TLN2: variants seen among roughly 807,000 people sequenced by gnomAD.
TLN2 encodes the protein talin 2.
A neutral mutation model predicts 294.7 loss-of-function variants in TLN2; 118 were observed. That is an observed-to-expected ratio of 0.40 (90% confidence interval 0.34 to 0.47). The LOEUF (loss-of-function observed/expected upper bound fraction) is 0.47. Among genes scored for constraint, TLN2 ranks in the 20% least tolerant of loss-of-function variants. The probability of loss-of-function intolerance (pLI) is 0.84; values close to 1 mark genes in which losing one functional copy is unlikely to be tolerated. For synonymous variants in TLN2, 1,431 were observed against 1,304.5 expected, an observed-to-expected ratio of 1.10 and a Z score of -2.09; for missense variants, 3,083 against 3,282.2, an observed-to-expected ratio of 0.94 and a Z score of 1.48.
chr15:62,607,358 A>C (rs548761172), intron 2 of TLN2, among the ~76,000 whole-genome samples: 2 of 152,192 alleles, frequency 1.3e-5, no homozygotes, highest in African/African-American at 4.8e-5. Context: ...TCTTAATTAG[A>C]TTACTGATTC....
At chr15:62,723,605 G>A (rs2060274929) in intron 26 of TLN2, among the ~76,000 whole-genome samples, 1 of 143,930 alleles carries the variant, frequency 6.9e-6, no homozygotes, top group Admixed American at 7.2e-5. Context: ...GTACAGTGGT[G>A]CAGTCATGGC....
intron 58 of TLN2, among the ~76,000 whole-genome samples, chr15:62,839,494 C>T (rs1399743403): frequency 6.6e-6 from 1 of 152,198 alleles, no homozygotes. Flanking sequence ...TTTGGCCCTA[C>T]AGAGAATGCT....
At chr15:62,561,711 A>T (rs2042974214) in intron 1 of TLN2, among the ~76,000 whole-genome samples, 2 of 149,888 alleles carry the variant, frequency 1.3e-5, no homozygotes, top group African/African-American at 5.0e-5. Flanking sequence ...ACTGTGCCTG[A>T]TCGCCTGCTG....
At chr15:62,624,649 A>G (rs974554175) in intron 3 of TLN2, among the ~76,000 whole-genome samples, 3 of 152,186 alleles carry the variant, frequency 2.0e-5, no homozygotes, top group Non-Finnish European at 4.4e-5. Context: ...TTGTCTTAAC[A>G]CATTTCTCTT....
At chr15:62,673,482 C>A (rs28414420) in intron 9 of TLN2, among the ~76,000 whole-genome samples, 1 of 150,338 alleles carries the variant, frequency 6.7e-6, no homozygotes, top group Non-Finnish European at 1.5e-5. Context: ...TTTAAAAATA[C>A]GTAGACAATA....
intron 1 of TLN2, among the ~76,000 whole-genome samples, chr15:62,560,508 G>A (rs766400914): frequency 6.6e-6 from 1 of 152,144 alleles, no homozygotes; most frequent in African/African-American, 2.4e-5. Context: ...TGTATTTTTA[G>A]TAGAGACAGG....
intron 1 of TLN2, among the ~76,000 whole-genome samples, chr15:62,489,292 A>G (rs903785039): frequency 4.5e-4 from 68 of 152,202 alleles, no homozygotes; most frequent in African/African-American, 1.6e-3. Flanking sequence ...TCAATGATTC[A>G]TAATCTGTGA....
At chr15:62,499,521 TGA>T (rs1021293533) in intron 1 of TLN2, among the ~76,000 whole-genome samples, 2 of 152,188 alleles carry the variant, frequency 1.3e-5, no homozygotes, top group African/African-American at 4.8e-5. Flanking sequence ...ATTTTAAAAC[TGA>T]GGGGAAAGGA....
In TLN2 at chr15:62,697,643, A is replaced by C. The variant is rs775534190; in HGVS notation, c.1293-45A>C. Reference sequence around the variant, plus strand: ...CTGTGGGGTCTCCTCATTGCACTCCACATGGCTGGTGTTCTCTCAGTGACC... The same window carrying C: ...CTGTGGGGTCTCCTCATTGCACTCCCCATGGCTGGTGTTCTCTCAGTGACC... On this transcript the variant is annotated intron_variant, in intron 14 of 58. Transcript: ENST00000636159. 1.9e-6 allele frequency: 3 copies of C among 1,563,950 alleles called. No individual in the cohort carries two copies. In the East Asian group the frequency reaches 6.8e-5, roughly 35 times the overall value.
chr15:62,724,239 C>T (rs550316076), intron 26 of TLN2, among the ~76,000 whole-genome samples: 1 of 152,128 alleles, frequency 6.6e-6, no homozygotes, highest in African/African-American at 2.4e-5. Flanking sequence ...CTCTCTGTGC[C>T]TCAGTTTCCT....
In TLN2 at chr15:62,580,525, C is replaced by A. The variant is rs911107199; in HGVS notation, c.-237-9162C>A. Among the ~76,000 whole-genome samples, 6 of 152,042 alleles carry A rather than the reference C, an allele frequency of 3.9e-5. No homozygotes were observed. The East Asian group carries it at 1.2e-3, about 30-fold the overall frequency. ...TCCCAGGCTCAGGCAATCCTCCTAC[C>A]TCAGCCTCGCGAGTAGCCGGTACTA... On this transcript the variant is annotated intron_variant, in intron 1 of 58. Coordinates refer to ENST00000636159, the MANE Select transcript of TLN2 (RefSeq NM_015059.3).
rs563004313 is a variant in TLN2, at chr15:62,742,884, C to G, written c.4025+2115C>G. Among the ~76,000 whole-genome samples, 120 of 152,310 alleles carry G rather than the reference C, an allele frequency of 7.9e-4. 2 individuals are homozygous for G. The highest frequency in any genetic ancestry group is 2.5e-3 in the Admixed American group (38 of 15,306). On this transcript the variant is annotated intron_variant, in intron 32 of 58. Transcript: ENST00000636159. ...GGTCAAGAGGGTCAGGCAGGCTCCTCTTGGGACACAAAGCTCTGCCAGGCT... is the reference window on the plus strand; with the variant it reads ...GGTCAAGAGGGTCAGGCAGGCTCCTGTTGGGACACAAAGCTCTGCCAGGCT...
In TLN2 at chr15:62,835,726, C is replaced by T; in HGVS notation, c.7129-11C>T. 1 of 1,614,176 alleles carries T rather than the reference C, an allele frequency of 6.2e-7. No homozygotes were observed. The highest frequency in any genetic ancestry group is 8.5e-7 in the Non-Finnish European group (1 of 1,180,022). ...TGCCCTCATGGCCAATTTCTCGACT[C>T]TACTCTCTAGGTGGGCTCCATCCCT... On this transcript the variant is annotated splice_polypyrimidine_tract_variant and intron_variant, in intron 55 of 58. Coordinates refer to ENST00000636159, the MANE Select transcript of TLN2 (RefSeq NM_015059.3).
At chr15:62,425,250 G>A (rs1163417965) in intron 1 of TLN2, among the ~76,000 whole-genome samples, 1 of 152,148 alleles carries the variant, frequency 6.6e-6, no homozygotes, top group Non-Finnish European at 1.5e-5. Context: ...ACTGTACCCA[G>A]CCCCTATTTG....
chr15:62,655,068 GTT>G (rs376649589), intron 7 of TLN2, among the ~76,000 whole-genome samples: 1 of 146,844 alleles, frequency 6.8e-6, no homozygotes, highest in Non-Finnish European at 1.5e-5. Flanking sequence ...CCCTTTCTGT[GTT>G]TTTTTTTTCT....
rs557669840 is a variant in TLN2, at chr15:62,440,124, A to G, written c.-238+49439A>G. 1.6e-4 allele frequency among the ~76,000 whole-genome samples: 25 copies of G among 152,236 alleles called. No homozygotes were observed. In the South Asian group the frequency reaches 4.8e-3, roughly 29 times the overall value. The stretch of plus-strand genomic sequence containing the variant: ...CGCCATGTGCTGGACACTGCTGTCT[A>G]TCCCAGGTTCGTTTTATACCTTGGC... On this transcript the variant is annotated intron_variant, in intron 1 of 58. Transcript: ENST00000636159.
chr15:62,762,555 TTA>T, intron 39 of TLN2, 102 bp downstream of exon 39: 1 of 1,293,368 alleles, frequency 7.7e-7, no homozygotes, highest in Middle Eastern at 2.8e-4. Context: ...TTGTTGATCA[TTA>T]TCATCTTTTT....
At chr15:62,538,376 T>C (rs755976226) in intron 1 of TLN2, among the ~76,000 whole-genome samples, 10 of 152,202 alleles carry the variant, frequency 6.6e-5, no homozygotes, top group Non-Finnish European at 1.0e-4. Flanking sequence ...CTAATTCTTA[T>C]AGGACCACTT....
At chr15:62,475,049 C>T (rs527300887) in intron 1 of TLN2, among the ~76,000 whole-genome samples, 1 of 152,196 alleles carries the variant, frequency 6.6e-6, no homozygotes, top group African/African-American at 2.4e-5. Flanking sequence ...GGAAATAGAG[C>T]CAAATACCCA....
Sources: allele counts gnomAD v4.1 joint callset (sites outside exome capture counted in the v4.1 genomes callset), GRCh38; gene constraint gnomAD v4.1.1; transcripts MANE v1.5; gene names NCBI Gene and HGNC (gene_info 2026-07-23, HGNC 2026-07-21).